KIAA1958: variants seen among roughly 807,000 people sequenced by gnomAD.
KIAA1958 encodes uncharacterized protein KIAA1958.
In KIAA1958, 14 loss-of-function variants were observed where a neutral mutation model predicts 47.2. The ratio of observed to expected loss-of-function variants is 0.30; its 90% CI spans 0.20 to 0.46. The LOEUF is 0.46. Among genes scored for constraint, KIAA1958 ranks in the 20% least tolerant of loss-of-function variants. The pLI, the probability that KIAA1958 is intolerant of heterozygous loss-of-function variation, is 1.00. For missense variants in KIAA1958, 803 were observed against 909.2 expected, an observed-to-expected ratio of 0.88 and a Z score of 1.50; for synonymous variants, 354 against 353.3, an observed-to-expected ratio of 1.00 and a Z score of -0.02.
rs1564205419 is a variant in KIAA1958, at chr9:112,659,846, C to T, written c.1928C>T (p.Pro643Leu). 1 of 1,614,166 alleles carries T rather than the reference C, an allele frequency of 6.2e-7. No individual in the cohort carries two copies. Among genetic ancestry groups the T allele is most frequent in the Admixed American group, 1.7e-5 (1 of 60,020 alleles). Residue 643 changes from proline to leucine, a missense_variant, in exon 4 of 4, where the codon CCC becomes CTC. Physicochemically the swap from Pro to Leu is moderately conservative, Grantham distance 98. This residue lies in a region of KIAA1958 where 761 missense variants were observed against 829.3 expected (regional missense o/e 0.92). Transcript: ENST00000337530. ...AAGTACATGTACATCCACCGGCCGC[C>T]CACCCAAATGGAGGCCAAGTCCCCC... ...LYKYMYIHRP[P>L]TQMEAKSPFY...
chr9:112,605,499 C>A (rs1364643150), intron 2 of KIAA1958, among the ~76,000 whole-genome samples: 1 of 152,126 alleles, frequency 6.6e-6, no homozygotes, highest in East Asian at 1.9e-4. Context: ...TTACACAAAG[C>A]AGAGTTTATT....
chr9:112,542,412 T>C (rs562831523), intron 1 of KIAA1958, among the ~76,000 whole-genome samples: 2 of 152,160 alleles, frequency 1.3e-5, no homozygotes, highest in Non-Finnish European at 2.9e-5. Flanking sequence ...ATAAAGAGGA[T>C]ATATTCATGA....
intron 2 of KIAA1958, among the ~76,000 whole-genome samples, chr9:112,593,071 G>C (rs1835950773): frequency 6.6e-6 from 1 of 152,212 alleles, no homozygotes; most frequent in African/African-American, 2.4e-5. Flanking sequence ...AAAGAGTTTT[G>C]AGGTGGGATA....
chr9:112,502,950 A>T (rs528774355), intron 1 of KIAA1958, among the ~76,000 whole-genome samples: 2 of 152,238 alleles, frequency 1.3e-5, no homozygotes, highest in Admixed American at 1.3e-4. Context: ...GATTATAGAG[A>T]CTGTTTAACC....
chr9:112,642,395 CT>C (rs1836905929), intron 2 of KIAA1958, among the ~76,000 whole-genome samples: 1 of 152,224 alleles, frequency 6.6e-6, no homozygotes, highest in African/African-American at 2.4e-5. Context: ...AGCTGCTTTG[CT>C]TTTTCCCTTG....
At chr9:112,517,705 C>A (rs895599586) in intron 1 of KIAA1958, among the ~76,000 whole-genome samples, 1 of 152,128 alleles carries the variant, frequency 6.6e-6, no homozygotes, top group African/African-American at 2.4e-5. Context: ...AGATTTGTAT[C>A]TAGACTTTAC....
At chr9:112,658,881 G>A (rs947648922) in intron 3 of KIAA1958, among the ~76,000 whole-genome samples, 5 of 149,134 alleles carry the variant, frequency 3.4e-5, no homozygotes, top group Non-Finnish European at 4.5e-5. Context: ...TTAGCCGGGC[G>A]TGGTGGCGGG....
Position 112,518,867 on chromosome 9 carries a change from G to GA in KIAA1958, c.-25+31761dup, listed in dbSNP as rs200307410. Among the ~76,000 whole-genome samples, 771 of 135,230 alleles carry GA rather than the reference G, an allele frequency of 5.7e-3. 9 individuals carry two copies. Among genetic ancestry groups the GA allele is most frequent in the African/African-American group, 0.017 (643 of 36,968 alleles). 88.7% of individuals were successfully genotyped at this position (135,230 alleles called of 152,430 possible). A position where few individuals can be genotyped will look rare whatever the true frequency, so the allele number is the denominator to read the frequency against. Reference sequence around the variant, plus strand: ...CCAAATAAACATTTGGGGAGCTAAAGAAAAAAAAAAAAGCTAACATTATTG... The same window carrying GA: ...CCAAATAAACATTTGGGGAGCTAAAGAAAAAAAAAAAAAGCTAACATTATTG... On this transcript the variant is annotated intron_variant, in intron 1 of 3. Transcript: ENST00000337530.
At chr9:112,521,494 G>A (rs753648759) in intron 1 of KIAA1958, among the ~76,000 whole-genome samples, 1 of 152,120 alleles carries the variant, frequency 6.6e-6, no homozygotes, top group South Asian at 2.1e-4. Context: ...AATTACAGGC[G>A]TGAGCTACCA....
intron 2 of KIAA1958, among the ~76,000 whole-genome samples, chr9:112,607,518 G>C (rs1836255238): frequency 6.6e-6 from 1 of 152,060 alleles, no homozygotes; most frequent in Admixed American, 6.6e-5. Flanking sequence ...TGACACCAGA[G>C]AGTAGCATAG....
intron 1 of KIAA1958, among the ~76,000 whole-genome samples, chr9:112,500,878 G>A (rs1000796317): frequency 4.0e-5 from 6 of 151,892 alleles, no homozygotes; most frequent in Non-Finnish European, 7.4e-5. Flanking sequence ...GAAGGCTGAG[G>A]CAGGAGGATT....
chr9:112,587,178 C>T (rs1017847918), intron 2 of KIAA1958, among the ~76,000 whole-genome samples: 2 of 152,108 alleles, frequency 1.3e-5, no homozygotes, highest in Non-Finnish European at 2.9e-5. Flanking sequence ...TTGAGACAGT[C>T]TCACTCTGTC....
At chr9:112,594,608 C>T (rs941466478) in intron 2 of KIAA1958, among the ~76,000 whole-genome samples, 1 of 152,156 alleles carries the variant, frequency 6.6e-6, no homozygotes, top group South Asian at 2.1e-4. Flanking sequence ...ATACATCACA[C>T]TTTGTTTATC....
intron 1 of KIAA1958, among the ~76,000 whole-genome samples, chr9:112,506,501 A>G (rs2065226): frequency 0.96 from 145,916 of 152,280 alleles, 69,983 homozygotes; most frequent in African/African-American, 0.99. Context: ...TTTTTTCTTC[A>G]TGGTAATTAA....
At chr9:112,658,813 GA>G (rs1837201244) in intron 3 of KIAA1958, among the ~76,000 whole-genome samples, 1 of 151,674 alleles carries the variant, frequency 6.6e-6, no homozygotes, top group Non-Finnish European at 1.5e-5. Flanking sequence ...CAAAAAATTA[GA>G]TCGAGACCAT....
At chr9:112,608,581 G>A (rs1299039294) in intron 2 of KIAA1958, among the ~76,000 whole-genome samples, 1 of 152,190 alleles carries the variant, frequency 6.6e-6, no homozygotes, top group African/African-American at 2.4e-5. Context: ...TTGAGCTCAG[G>A]AGTTTGAGAC....
intron 1 of KIAA1958, among the ~76,000 whole-genome samples, chr9:112,542,200 T>A (rs556392739): frequency 6.6e-6 from 1 of 152,258 alleles, no homozygotes; most frequent in Non-Finnish European, 1.5e-5. Context: ...GATGAAAATA[T>A]GAATATGTTC....
rs144067961 is a variant in KIAA1958, at chr9:112,624,078, T to C, written c.1172-21572T>C. Among the ~76,000 whole-genome samples, 371 of 152,216 alleles carry C rather than the reference T, an allele frequency of 2.4e-3. 2 individuals carry two copies. Among genetic ancestry groups the C allele is most frequent in the African/African-American group, 8.5e-3 (353 of 41,528 alleles). On this transcript the variant is annotated intron_variant, in intron 2 of 3. Transcript: ENST00000337530. ...ACTCTCTCCCAGATGACAGAAGAAATAGATACCTAAGCCTAGGGAGGAAAG... is the reference window on the plus strand; with the variant it reads ...ACTCTCTCCCAGATGACAGAAGAAACAGATACCTAAGCCTAGGGAGGAAAG...
At chr9:112,577,532 C>CTT (rs369144296) in intron 2 of KIAA1958, among the ~76,000 whole-genome samples, 3 of 142,948 alleles carry the variant, frequency 2.1e-5, no homozygotes, top group South Asian at 2.2e-4. Flanking sequence ...TCCTGCCCCC[C>CTT]TTTTTTTTTT....
Sources: allele counts gnomAD v4.1 joint callset (sites outside exome capture counted in the v4.1 genomes callset), GRCh38; gene constraint gnomAD v4.1.1; regional missense constraint gnomAD v4.1.1; transcripts MANE v1.5; gene names NCBI Gene and HGNC (gene_info 2026-07-23, HGNC 2026-07-21).